UNC13B: variants seen among roughly 807,000 people sequenced by gnomAD.
The protein encoded by UNC13B is unc-13 homolog B.
In UNC13B, 144 loss-of-function variants were observed where a neutral mutation model predicts 211.0. The ratio of observed to expected loss-of-function variants is 0.68; its 90% confidence interval spans 0.60 to 0.78. The LOEUF (loss-of-function observed/expected upper bound fraction) is 0.78. Ranked by LOEUF, UNC13B falls within the 30% of genes least tolerant of loss-of-function variation. The pLI is 0.00. For missense variants in UNC13B, 1,777 were observed against 2,002.0 expected, an observed-to-expected ratio of 0.89 and a Z score of 2.14; for synonymous variants, 709 against 725.8, an observed-to-expected ratio of 0.98 and a Z score of 0.37.
intron 7 of UNC13B, chr9:35,291,217 C>T: frequency 9.8e-7 from 1 of 1,023,598 alleles, no homozygotes. Context: ...TCCCTCTCCT[C>T]TCCTACTTAA....
intron 1 of UNC13B, among the ~76,000 whole-genome samples, chr9:35,166,218 C>T (rs1821031541): frequency 6.6e-6 from 1 of 152,056 alleles, no homozygotes; most frequent in African/African-American, 2.4e-5. Flanking sequence ...CCCATCTCTA[C>T]TAAAAATACA....
chr9:35,400,236 G>T (rs1483125901), intron 36 of UNC13B, 60 bp from the exon 37 acceptor site: 2 of 1,591,066 alleles, frequency 1.3e-6, no homozygotes, highest in Non-Finnish European at 1.7e-6. Flanking sequence ...TGAGGACAAT[G>T]TTGGGGAGCT....
chr9:35,221,972 G>A (rs536409945), intron 1 of UNC13B, among the ~76,000 whole-genome samples: 2 of 152,288 alleles, frequency 1.3e-5, no homozygotes, highest in African/African-American at 4.8e-5. Context: ...ACCCATATGT[G>A]TGTGGGTCTG....
At chr9:35,322,171 T>C (rs1830769049) in intron 11 of UNC13B, among the ~76,000 whole-genome samples, 3 of 152,210 alleles carry the variant, frequency 2.0e-5, no homozygotes, top group Admixed American at 2.0e-4. Context: ...GCTGGCTGAG[T>C]ACATGGCCAT....
At chr9:35,264,481 G>A (rs1827458139) in intron 7 of UNC13B, among the ~76,000 whole-genome samples, 1 of 152,234 alleles carries the variant, frequency 6.6e-6, no homozygotes, top group Non-Finnish European at 1.5e-5. Context: ...TTTTGAAGAT[G>A]TGATGTGGCT....
At chr9:35,317,251 A>G (rs1027492341) in intron 11 of UNC13B, among the ~76,000 whole-genome samples, 2 of 152,138 alleles carry the variant, frequency 1.3e-5, no homozygotes, top group Non-Finnish European at 2.9e-5. Flanking sequence ...CTTAGGCTGG[A>G]GTGCAGTGGC....
intron 9 of UNC13B, among the ~76,000 whole-genome samples, chr9:35,309,675 T>C (rs1168500237): frequency 6.6e-6 from 1 of 152,224 alleles, no homozygotes; most frequent in Non-Finnish European, 1.5e-5. Context: ...ATTGGCTTGC[T>C]GGTCTTCAGA....
intron 3 of UNC13B, among the ~76,000 whole-genome samples, chr9:35,236,220 A>C (rs1825500605): frequency 1.3e-5 from 2 of 152,142 alleles, no homozygotes; most frequent in Admixed American, 1.3e-4. Flanking sequence ...CTTATTGCTA[A>C]CTGGAGGCAC....
intron 12 of UNC13B, 44 bp from the exon 13 acceptor site, chr9:35,370,274 C>T (rs1315867156): frequency 6.3e-7 from 1 of 1,589,874 alleles, no homozygotes; most frequent in Non-Finnish European, 8.6e-7. Flanking sequence ...CCAGCTAACT[C>T]AAAGCAAGAC....
chr9:35,326,389 A>T (rs1006600170), intron 11 of UNC13B, among the ~76,000 whole-genome samples: 20 of 152,148 alleles, frequency 1.3e-4, no homozygotes, highest in African/African-American at 4.6e-4. Context: ...ATACATACAT[A>T]TGATAAGGTT....
At chr9:35,337,873 G>C (rs920820070) in intron 11 of UNC13B, among the ~76,000 whole-genome samples, 5 of 152,198 alleles carry the variant, frequency 3.3e-5, no homozygotes, top group Non-Finnish European at 5.9e-5. Context: ...GGGGATATTT[G>C]ATCAATATTA....
In UNC13B at chr9:35,398,557, G is replaced by A; in HGVS notation, c.11836G>A (p.Asp3946Asn). Residue 3946 changes from aspartate to asparagine, a missense_variant, in exon 32 of 40, where the codon GAC (aspartate) becomes AAC (asparagine). Coordinates refer to ENST00000635942, the MANE Select transcript of UNC13B (RefSeq NM_001371189.2). Reference protein sequence around the residue: ...MFEAMGGKELDLEAADSLKEL... With the variant: ...MFEAMGGKELNLEAADSLKEL... ...GGCTTACCTCCTGTGAATACAGCTG[G>A]ACCTTGAAGCTGCAGACAGTCTGAA... 2 of 1,613,942 alleles carry A rather than the reference G, an allele frequency of 1.2e-6. No homozygotes were observed. The highest frequency in any genetic ancestry group is 1.7e-6 in the Non-Finnish European group (2 of 1,180,000).
At chr9:35,297,561 T>TTTTTTTGTTTTGTTTTTTTG (rs1554698742) in intron 8 of UNC13B, among the ~76,000 whole-genome samples, 4 of 128,164 alleles carry the variant, frequency 3.1e-5, no homozygotes, top group African/African-American at 5.9e-5. Flanking sequence ...TTTTTTTTTT[T>TTTTTTTGTTTTGTTTTTTTG]TTTTTTGAGA....
intron 1 of UNC13B, among the ~76,000 whole-genome samples, chr9:35,222,722 CT>C (rs1480227628): frequency 6.6e-6 from 1 of 152,192 alleles, no homozygotes; most frequent in Non-Finnish European, 1.5e-5. Flanking sequence ...CATTTCAAAT[CT>C]TTTCTTCTAG....
chr9:35,199,423 C>A (rs1444166079), intron 1 of UNC13B, among the ~76,000 whole-genome samples: 1 of 152,204 alleles, frequency 6.6e-6, no homozygotes, highest in Non-Finnish European at 1.5e-5. Flanking sequence ...GCCACACTGT[C>A]TTCCACAATG....
At chr9:35,185,932 G>GAA (rs568465100) in intron 1 of UNC13B, among the ~76,000 whole-genome samples, 1 of 126,592 alleles carries the variant, frequency 7.9e-6, no homozygotes, top group African/African-American at 2.9e-5. Context: ...AAAGAAAAAA[G>GAA]AAAAAAAAAA....
chr9:35,162,171 A>G lies in UNC13B; in HGVS notation c.-113A>G. ...GCTACCTGCGACCGGGACCATGAGG[A>G]GCTGCCAGACCCGTGGGGCCGGTAA... is the stretch of plus-strand genomic sequence containing the variant. On this transcript the variant is annotated 5_prime_UTR_variant, in exon 1 of 40. Coordinates refer to ENST00000635942, the MANE Select transcript of UNC13B (RefSeq NM_001371189.2). 3 of 1,472,426 alleles carry G rather than the reference A, an allele frequency of 2.0e-6. No homozygotes were observed. The Admixed American group carries it at 5.9e-5, about 29-fold the overall frequency. 91.2% of individuals were successfully genotyped at this position (1,472,426 alleles called of 1,614,324 possible). A position where few individuals can be genotyped will look rare whatever the true frequency, so the allele number is the denominator to read the frequency against.
Position 35,306,984 on chromosome 9 carries a change from C to T in UNC13B, c.7580C>T (p.Ser2527Phe), listed in dbSNP as rs1829957092. 5.0e-6 allele frequency: 2 copies of T among 398,938 alleles called. No homozygotes were observed. Among genetic ancestry groups the T allele is most frequent in the Admixed American group, 4.4e-5 (1 of 22,710 alleles). The allele number at this position is 398,938 out of a possible 1,614,324, so 24.7% of individuals were successfully genotyped here. ...CCAGAGCCATACAAACAAGAATCAT[C>T]TCTCCCAGCTACTTCATGGCTTCAA... ...PKPEPYKQES[S>F]LPATSWLQNG... is the part of the protein sequence containing the mutation. The change falls in exon 9 of 40, where the codon TCT becomes TTT. Residue 2527 changes from serine to phenylalanine, a missense_variant. Ser to Phe is a radical substitution (Grantham distance 155). Coordinates refer to ENST00000635942, the MANE Select transcript of UNC13B (RefSeq NM_001371189.2).
intron 7 of UNC13B, among the ~76,000 whole-genome samples, chr9:35,290,775 G>C (rs1829059328): frequency 6.6e-6 from 1 of 151,912 alleles, no homozygotes; most frequent in African/African-American, 2.4e-5. Context: ...ACCAGAAGGG[G>C]GCTTAAAACA....
Sources: allele counts gnomAD v4.1 joint callset (sites outside exome capture counted in the v4.1 genomes callset), GRCh38; gene constraint gnomAD v4.1.1; transcripts MANE v1.5; gene names NCBI Gene and HGNC (gene_info 2026-07-23, HGNC 2026-07-21).